The following RPS6KC1 variants were observed in gnomAD, a reference collection of about 807,000 sequenced individuals.
RPS6KC1 encodes the protein inactive ribosomal protein S6 kinase delta-1.
A neutral mutation model predicts 103.8 loss-of-function variants in RPS6KC1; 54 were observed. The ratio of observed to expected loss-of-function variants is 0.52; its 90% CI spans 0.42 to 0.65. The LOEUF (loss-of-function observed/expected upper bound fraction) is 0.65. Ranked by LOEUF, RPS6KC1 falls within the 30% of genes least tolerant of loss-of-function variation. The probability of loss-of-function intolerance (pLI) is 0.00; values close to 1 mark genes in which losing one functional copy is unlikely to be tolerated. For synonymous variants in RPS6KC1, 439 were observed against 438.7 expected, an observed-to-expected ratio of 1.00 and a Z score of -0.01; for missense variants, 1,151 against 1,253.8, an observed-to-expected ratio of 0.92 and a Z score of 1.24.
At chr1:213,612,715 A>C in the RPS6KC1 span, among the ~76,000 whole-genome samples, 1 of 152,230 alleles carries the variant, frequency 6.6e-6, no homozygotes, top group South Asian at 2.1e-4. Flanking sequence ...TTTTGGATTC[A>C]GGCATAGCTT....
the RPS6KC1 span, among the ~76,000 whole-genome samples, chr1:213,297,720 C>G: frequency 2.0e-5 from 3 of 152,234 alleles, no homozygotes; most frequent in African/African-American, 7.2e-5. Flanking sequence ...AAGTGATCCT[C>G]CCTCCTGGGC....
At chr1:213,806,192 C>T in the RPS6KC1 span, among the ~76,000 whole-genome samples, 4 of 152,048 alleles carry the variant, frequency 2.6e-5, no homozygotes, top group African/African-American at 7.2e-5. Flanking sequence ...ATTAGCCAGG[C>T]GTGGTGGTGG....
intron 12 of RPS6KC1, among the ~76,000 whole-genome samples, chr1:213,260,267 G>A (rs1457178028): frequency 6.6e-6 from 1 of 152,186 alleles, no homozygotes; most frequent in African/African-American, 2.4e-5. Context: ...GTTGGAGAAT[G>A]GAAATTGTGA....
the RPS6KC1 span, among the ~76,000 whole-genome samples, chr1:213,341,542 G>C: frequency 6.6e-6 from 1 of 152,188 alleles, no homozygotes; most frequent in Non-Finnish European, 1.5e-5. Context: ...CAGACACCTG[G>C]GGTTAAGCTC....
At chr1:213,215,483 A>G (rs909231960) in intron 8 of RPS6KC1, among the ~76,000 whole-genome samples, 16 of 152,362 alleles carry the variant, frequency 1.1e-4, no homozygotes, top group African/African-American at 3.4e-4. Flanking sequence ...AACTTCCCCA[A>G]TCTAGCAAGG....
the RPS6KC1 span, among the ~76,000 whole-genome samples, chr1:213,774,066 A>G: frequency 6.6e-6 from 1 of 152,086 alleles, no homozygotes; most frequent in Non-Finnish European, 1.5e-5. Context: ...CTTCACTCAC[A>G]TCCTCTTTCT....
At chr1:213,192,154 G>A (rs2092772116) in intron 8 of RPS6KC1, among the ~76,000 whole-genome samples, 1 of 152,116 alleles carries the variant, frequency 6.6e-6, no homozygotes, top group Non-Finnish European at 1.5e-5. Flanking sequence ...AATGATATGG[G>A]TTTTGTCTTT....
At chr1:213,646,820 G>A in the RPS6KC1 span, among the ~76,000 whole-genome samples, 95 of 151,686 alleles carry the variant, frequency 6.3e-4, no homozygotes, top group African/African-American at 2.3e-3. Context: ...TAGTTCACCT[G>A]GTTATAAAAA....
In RPS6KC1 at chr1:213,260,883, G is replaced by T. The variant is rs373350484; in HGVS notation, c.2912-675G>T. On this transcript the variant is annotated intron_variant, in intron 12 of 14. Transcript: ENST00000366960. ...GCTGGCGAGAGATAGGGATAACACA[G>T]ATAAAAGTGTAATTTGTAGATATTC... Among the ~76,000 whole-genome samples, 33 of 152,124 alleles carry T rather than the reference G, an allele frequency of 2.2e-4. No homozygotes were observed. In the South Asian group the frequency reaches 6.8e-3, roughly 32 times the overall value.
the RPS6KC1 span, among the ~76,000 whole-genome samples, chr1:213,343,125 G>T: frequency 1.3e-5 from 2 of 151,322 alleles, no homozygotes; most frequent in East Asian, 3.9e-4. Flanking sequence ...CAAACAAGAA[G>T]AAATGATTTT....
the RPS6KC1 span, among the ~76,000 whole-genome samples, chr1:213,414,322 A>G: frequency 6.6e-6 from 1 of 152,224 alleles, no homozygotes; most frequent in Non-Finnish European, 1.5e-5. Flanking sequence ...TCGGCTGCAC[A>G]TGTGACCTTA....
At chr1:213,151,130 C>A (rs530776879) in intron 6 of RPS6KC1, among the ~76,000 whole-genome samples, 2,298 of 146,186 alleles carry the variant, frequency 0.016, 29 homozygotes, top group Admixed American at 0.031. Context: ...GCTGACCCCC[C>A]CACCTCCCTC....
chr1:213,455,638 A>T, the RPS6KC1 span, among the ~76,000 whole-genome samples: 1 of 152,196 alleles, frequency 6.6e-6, no homozygotes, highest in Non-Finnish European at 1.5e-5. Context: ...GAATGAGATT[A>T]TGCAGAGAGA....
intron 10 of RPS6KC1, among the ~76,000 whole-genome samples, chr1:213,239,148 TACCACTA>T (rs1460954107): frequency 2.0e-5 from 3 of 152,128 alleles, no homozygotes; most frequent in African/African-American, 7.2e-5. Flanking sequence ...TAATATCCTG[TACCACTA>T]ACTGGTATCA....
chr1:213,731,288 A>G, the RPS6KC1 span: 16 of 152,152 alleles, frequency 1.1e-4, no homozygotes, highest in Non-Finnish European at 1.9e-4. Flanking sequence ...GTGAAGAATA[A>G]CAATGGTAGT....
At chr1:213,395,643 A>T in the RPS6KC1 span, among the ~76,000 whole-genome samples, 2,621 of 152,338 alleles carry the variant, frequency 0.017, 81 homozygotes, top group African/African-American at 0.06. Flanking sequence ...CAATTTCTGT[A>T]GTGTAAATAC....
the RPS6KC1 span, among the ~76,000 whole-genome samples, chr1:213,607,729 A>AC: frequency 6.6e-6 from 1 of 151,844 alleles, no homozygotes; most frequent in Admixed American, 6.6e-5. Flanking sequence ...ACACACACAA[A>AC]ATAAATAAAA....
chr1:213,829,143 C>T, the RPS6KC1 span, among the ~76,000 whole-genome samples: 1 of 151,902 alleles, frequency 6.6e-6, no homozygotes, highest in Non-Finnish European at 1.5e-5. Flanking sequence ...CTATCCATTC[C>T]AGCTGTCTCC....
chr1:213,555,998 C>T, the RPS6KC1 span, among the ~76,000 whole-genome samples: 1 of 152,322 alleles, frequency 6.6e-6, no homozygotes. Flanking sequence ...AAAATCAGAG[C>T]CACTGCCTAG....
Sources: gnomAD v4.1 joint callset for allele counts (sites outside exome capture counted in the v4.1 genomes callset) on GRCh38, gnomAD v4.1.1 for gene constraint, MANE v1.5 for transcripts, NCBI Gene and HGNC (gene_info 2026-07-23, HGNC 2026-07-21) for gene names.